Variants in FSHR observed in about 807,000 individuals in gnomAD.
FSHR encodes follicle stimulating hormone receptor.
A neutral mutation model predicts 52.1 loss-of-function variants in FSHR; 46 were observed. That is an observed-to-expected ratio of 0.88 (90% CI 0.70 to 1.13). The LOEUF is 1.13. Ranked by LOEUF, FSHR falls within the 50% of genes most tolerant of loss-of-function variation. The pLI is 0.00. For missense variants in FSHR, 964 were observed against 834.6 expected (o/e 1.16, Z -1.91); for synonymous variants, 399 against 309.6 (o/e 1.29, Z -3.03).
intron 1 of FSHR, among the ~76,000 whole-genome samples, chr2:49,132,828 G>A (rs1253296066): frequency 2.0e-5 from 3 of 152,014 alleles, no homozygotes; most frequent in Non-Finnish European, 4.4e-5. Context: ...AGTTTAAGGA[G>A]CTCTGCTGTC....
chr2:49,046,333 T>C (rs1307659884), intron 2 of FSHR, among the ~76,000 whole-genome samples: 1 of 152,218 alleles, frequency 6.6e-6, no homozygotes, highest in Non-Finnish European at 1.5e-5. Flanking sequence ...TTATCTGGGC[T>C]ACACTTTTGC....
At chr2:49,105,510 C>G (rs536297981) in intron 1 of FSHR, among the ~76,000 whole-genome samples, 1 of 152,068 alleles carries the variant, frequency 6.6e-6, no homozygotes, top group Non-Finnish European at 1.5e-5. Context: ...AATTAAACTT[C>G]AAGAGTCGTG....
chr2:49,112,932 G>A (rs1437879878), intron 1 of FSHR, among the ~76,000 whole-genome samples: 1 of 152,148 alleles, frequency 6.6e-6, no homozygotes, highest in Non-Finnish European at 1.5e-5. Context: ...AAATGCCCAG[G>A]TGGGAGGAAG....
intron 1 of FSHR, among the ~76,000 whole-genome samples, chr2:49,135,143 A>G (rs978829142): frequency 2.0e-5 from 3 of 152,192 alleles, no homozygotes; most frequent in Non-Finnish European, 4.4e-5. Flanking sequence ...AGAAGAGTTA[A>G]TTCAACAATA....
chr2:49,136,072 C>T (rs1672477867), intron 1 of FSHR, among the ~76,000 whole-genome samples: 1 of 151,198 alleles, frequency 6.6e-6, no homozygotes, highest in African/African-American at 2.4e-5. Flanking sequence ...AAAAAGACTC[C>T]CAAAGCTAGT....
chr2:48,982,977 G>C lies in FSHR; in HGVS notation c.603C>G (p.Ser201Arg), dbSNP rs75552966. Residue 201 changes from serine (S) to arginine (R), a missense_variant, in exon 8 of 10, where the codon AGC (serine) becomes AGG (arginine). Coordinates refer to ENST00000406846, the MANE Select transcript of FSHR (RefSeq NM_000145.4). ...GCAATTCTTCTAAATTATTATTATC[G>C]CTTAGATTCCTGGGGATGGGGTTGA... ...NGTQLDELNL[S>R]DNNNLEELPN... The C allele has an allele frequency of 2.7e-5, 43 of 1,613,646 alleles. No individual in the cohort carries two copies. Among genetic ancestry groups the C allele is most frequent in the South Asian group, 2.2e-5 (2 of 91,058 alleles).
chr2:49,130,803 G>T (rs1461795795), intron 1 of FSHR, among the ~76,000 whole-genome samples: 1 of 152,118 alleles, frequency 6.6e-6, no homozygotes, highest in African/African-American at 2.4e-5. Flanking sequence ...TTCCCTACTG[G>T]TGAGGGACAT....
At chr2:48,993,358 C>T (rs1296267913) in intron 4 of FSHR, among the ~76,000 whole-genome samples, 4 of 152,192 alleles carry the variant, frequency 2.6e-5, no homozygotes, top group African/African-American at 9.6e-5. Context: ...GATAGAATTG[C>T]TATCCATCAA....
Position 48,963,186 on chromosome 2 carries a change from G to A in FSHR, c.1635C>T (p.Ile545=). ...LVLNVLAFVV[I]CGCYIHIYLT... is the part of the protein sequence containing the mutation. ...GGTAGATGTGGATATAGCAGCCACA[G>A]ATGACCACAAAGGCCAGGACATTGA... is the stretch of plus-strand genomic sequence containing the variant. The change falls in exon 10 of 10, where the codon ATC becomes ATT. Residue 545 remains isoleucine (I), a synonymous_variant. Transcript: ENST00000406846. The A allele has an allele frequency of 1.2e-6, 2 of 1,614,160 alleles. No individual in the cohort carries two copies. The highest frequency in any genetic ancestry group is 1.7e-6 in the Non-Finnish European group (2 of 1,180,024).
intron 1 of FSHR, among the ~76,000 whole-genome samples, chr2:49,143,413 A>C (rs1672758960): frequency 6.6e-6 from 1 of 152,174 alleles, no homozygotes; most frequent in Admixed American, 6.6e-5. Flanking sequence ...AATGTAATAT[A>C]ATCACTGTAC....
At chr2:49,033,695 C>T (rs973658169) in intron 2 of FSHR, among the ~76,000 whole-genome samples, 2 of 152,090 alleles carry the variant, frequency 1.3e-5, no homozygotes, top group Non-Finnish European at 2.9e-5. Context: ...CCCTCCTCCC[C>T]CCTGTTCCCT....
At chr2:49,073,039 A>C (rs1438795435) in intron 1 of FSHR, among the ~76,000 whole-genome samples, 1 of 152,120 alleles carries the variant, frequency 6.6e-6, no homozygotes, top group Non-Finnish European at 1.5e-5. Context: ...ATATTTGATA[A>C]ATTTTCATTT....
intron 2 of FSHR, among the ~76,000 whole-genome samples, chr2:49,060,979 G>A (rs1204508473): frequency 2.6e-5 from 4 of 152,058 alleles, no homozygotes; most frequent in African/African-American, 9.7e-5. Context: ...GGGTATATTT[G>A]GCTCAGGTTC....
At chr2:49,091,337 T>G (rs1670601099) in intron 1 of FSHR, among the ~76,000 whole-genome samples, 1 of 152,192 alleles carries the variant, frequency 6.6e-6, no homozygotes, top group African/African-American at 2.4e-5. Context: ...ATGGTCTTGT[T>G]CTGTCACTCA....
intron 1 of FSHR, among the ~76,000 whole-genome samples, chr2:49,123,372 A>G (rs1289416036): frequency 6.6e-6 from 1 of 152,106 alleles, no homozygotes; most frequent in Non-Finnish European, 1.5e-5. Context: ...TGGTAGTACC[A>G]GCTACTAGGG....
In FSHR at chr2:49,009,965, G is replaced by A. The variant is rs1475800809; in HGVS notation, c.374+7524C>T. Among the ~76,000 whole-genome samples, 671 of 122,234 alleles carry A rather than the reference G, an allele frequency of 5.5e-3. 8 individuals carry two copies. The highest frequency in any genetic ancestry group is 0.017 in the African/African-American group (638 of 36,692). 80.2% of individuals were successfully genotyped at this position (122,234 alleles called of 152,430 possible). ...GGTTTTCTAGATATACAATCATGTC[G>A]TCTGCAAACAGGGACAATTTGACTT... On this transcript the variant is annotated intron_variant, in intron 4 of 9. Transcript: ENST00000406846.
chr2:49,006,858 C>T (rs74945999), intron 4 of FSHR, among the ~76,000 whole-genome samples: 4,919 of 152,198 alleles, frequency 0.032, 222 homozygotes, highest in African/African-American at 0.1. Context: ...TTCTAAAGCA[C>T]GACTCTCTAC....
chr2:48,968,705 G>A lies in FSHR; in HGVS notation c.847C>T (p.Arg283Trp), dbSNP rs200328782. The A allele has an allele frequency of 3.7e-5, 59 of 1,614,094 alleles. No homozygotes were observed. The highest frequency in any genetic ancestry group is 8.3e-5 in the Admixed American group (5 of 60,014). ...CTTAAAGGATGGACTCACATTTGCC[G>A]TCTCCAGTTTGCAAAGGCACAGCAA... is the stretch of plus-strand genomic sequence containing the variant. ...SHCCAFANWR[R>W]QISELHPICN... The change falls in exon 9 of 10, where the codon CGG becomes TGG. Residue 283 changes from arginine to tryptophan, a missense_variant. Arg to Trp is a moderately radical substitution (Grantham distance 101). Transcript: ENST00000406846.
intron 2 of FSHR, among the ~76,000 whole-genome samples, chr2:49,048,117 C>T (rs1668724030): frequency 6.6e-6 from 1 of 152,052 alleles, no homozygotes; most frequent in Admixed American, 6.6e-5. Flanking sequence ...AACTCCTGAC[C>T]TCAAGTGATC....
Sources: gnomAD v4.1 joint callset for allele counts (sites outside exome capture counted in the v4.1 genomes callset) on GRCh38, gnomAD v4.1.1 for gene constraint, MANE v1.5 for transcripts, NCBI Gene and HGNC (gene_info 2026-07-23, HGNC 2026-07-21) for gene names.